Variants in GGH observed in about 807,000 individuals in gnomAD.
GGH encodes the protein gamma-Glu-X carboxypeptidase.
Under a neutral mutation model 39.2 loss-of-function variants are expected in GGH, and 18 were observed. The ratio of observed to expected loss-of-function variants is 0.46; its 90% CI spans 0.32 to 0.68. The LOEUF (loss-of-function observed/expected upper bound fraction) is 0.68. Among genes scored for constraint, GGH ranks in the 30% least tolerant of loss-of-function variants. The probability of loss-of-function intolerance (pLI) is 0.04; values close to 1 mark genes in which losing one functional copy is unlikely to be tolerated. For synonymous variants in GGH, 147 were observed against 138.8 expected (o/e 1.06, Z -0.42); for missense variants, 367 against 384.1 (o/e 0.96, Z 0.37).
intron 2 of GGH, among the ~76,000 whole-genome samples, chr8:63,030,621 G>A (rs1485991711): frequency 6.6e-6 from 1 of 152,054 alleles, no homozygotes; most frequent in Non-Finnish European, 1.5e-5. Context: ...TTAACTACAG[G>A]AAGCTCTGGC....
At position 63,038,796 on chromosome 8, in the gene GGH, A is replaced by G; in HGVS notation, c.-28T>C. The G allele has an allele frequency of 3.6e-6, 5 of 1,402,466 alleles. No individual in the cohort carries two copies. Among genetic ancestry groups the G allele is most frequent in the Non-Finnish European group, 4.8e-6 (5 of 1,044,220 alleles). The allele number at this position is 1,402,466 out of a possible 1,614,324, so 86.9% of individuals were successfully genotyped here. A position where few individuals can be genotyped will look rare whatever the true frequency, so the allele number is the denominator to read the frequency against. ...CGCTCGCCGCCTCCCGCCGCCTTTC[A>G]AAAGCTCTGCGGGCGGGCGGGGGCT... On this transcript the variant is annotated 5_prime_UTR_variant, in exon 1 of 9. Coordinates refer to ENST00000260118, the MANE Select transcript of GGH (RefSeq NM_003878.3).
At chr8:63,033,760 T>A (rs907215715) in intron 2 of GGH, among the ~76,000 whole-genome samples, 1 of 151,946 alleles carries the variant, frequency 6.6e-6, no homozygotes, top group African/African-American at 2.4e-5. Flanking sequence ...ATAGGTAGTT[T>A]TTCAGCCCTT....
At chr8:63,017,667 G>T in intron 7 of GGH, 37 bp from the exon 8 acceptor site, 2 of 1,273,056 alleles carry the variant, frequency 1.6e-6, no homozygotes, top group Non-Finnish European at 1.1e-6. Context: ...TACTAAGAAT[G>T]GTTTAAAATG....
At chr8:63,036,419 T>C (rs1245028484) in intron 1 of GGH, among the ~76,000 whole-genome samples, 1 of 151,894 alleles carries the variant, frequency 6.6e-6, no homozygotes, top group African/African-American at 2.4e-5. Context: ...TGACTATGAG[T>C]GAACCAAACA....
At chr8:63,022,591 G>A in intron 7 of GGH, among the ~76,000 whole-genome samples, 1 of 150,810 alleles carries the variant, frequency 6.6e-6, no homozygotes, top group Admixed American at 6.6e-5. Context: ...GTCTTACTCT[G>A]TCGTCCAGGC....
intron 3 of GGH, among the ~76,000 whole-genome samples, chr8:63,027,869 T>C (rs1196990749): frequency 1.3e-5 from 2 of 152,076 alleles, no homozygotes; most frequent in Non-Finnish European, 2.9e-5. Flanking sequence ...GTCAAAAATA[T>C]TTGATATTAT....
intron 7 of GGH, among the ~76,000 whole-genome samples, chr8:63,018,485 A>C (rs1195756205): frequency 6.6e-6 from 1 of 152,222 alleles, no homozygotes; most frequent in Non-Finnish European, 1.5e-5. Flanking sequence ...TCTAGGGGTA[A>C]GAGCACTGTC....
At chr8:63,035,032 C>T (rs895332133) in intron 2 of GGH, among the ~76,000 whole-genome samples, 4 of 152,102 alleles carry the variant, frequency 2.6e-5, no homozygotes, top group African/African-American at 9.7e-5. Context: ...TCACCCCGCC[C>T]CCCCAACCAC....
At chr8:63,031,601 C>T (rs551806331) in intron 2 of GGH, among the ~76,000 whole-genome samples, 4 of 152,306 alleles carry the variant, frequency 2.6e-5, no homozygotes, top group African/African-American at 7.2e-5. Flanking sequence ...TTCCTGCCAG[C>T]TAGCGGTGCA....
chr8:63,029,363 T>G (rs532831954), intron 3 of GGH, among the ~76,000 whole-genome samples: 2 of 152,178 alleles, frequency 1.3e-5, no homozygotes, highest in Non-Finnish European at 2.9e-5. Context: ...CATCTACAGA[T>G]AGCCGCATTT....
At chr8:63,028,314 T>A (rs939018468) in intron 3 of GGH, 5 of 152,050 alleles carry the variant, frequency 3.3e-5, no homozygotes, top group South Asian at 2.1e-4. Context: ...ATTAACTCAG[T>A]ATTTTTTTTT....
chr8:63,028,227 T>C (rs563497629), intron 3 of GGH: 1 of 152,124 alleles, frequency 6.6e-6, no homozygotes, highest in South Asian at 2.1e-4. Context: ...TGTGGGAGAA[T>C]ATCTACCACA....
chr8:63,036,257 A>G (rs562278214), intron 1 of GGH, among the ~76,000 whole-genome samples: 1 of 152,306 alleles, frequency 6.6e-6, no homozygotes, highest in East Asian at 1.9e-4. Context: ...AGGTCTTGTT[A>G]TATCTTTTCT....
Position 63,030,207 on chromosome 8 carries a change from T to C in GGH, c.235A>G (p.Thr79Ala). 1 of 1,419,868 alleles carries C rather than the reference T, an allele frequency of 7.0e-7. No homozygotes were observed. The highest frequency in any genetic ancestry group is 1.0e-6 in the Non-Finnish European group (1 of 1,004,460). 88.0% of individuals were successfully genotyped at this position (1,419,868 alleles called of 1,614,324 possible). A position where few individuals can be genotyped will look rare whatever the true frequency, so the allele number is the denominator to read the frequency against. Residue 79 changes from threonine (T) to alanine (A), a missense_variant, in exon 3 of 9, where the codon ACA becomes GCA. Thr to Ala is a moderately conservative substitution (Grantham distance 58). Coordinates refer to ENST00000260118, the MANE Select transcript of GGH (RefSeq NM_003878.3). Reference sequence around the variant, plus strand: ...AAAAGTATTTCATAGTCTTTCTCTGTAAGATCCAGCCTGAAAACAATAAAA... The same window carrying C: ...AAAAGTATTTCATAGTCTTTCTCTGCAAGATCCAGCCTGAAAACAATAAAA... The part of the protein sequence containing the change: ...ARVVPVRLDL[T>A]EKDYEILFKS...
At chr8:63,031,015 GC>G (rs986935104) in intron 2 of GGH, among the ~76,000 whole-genome samples, 1 of 152,186 alleles carries the variant, frequency 6.6e-6, no homozygotes, top group African/African-American at 2.4e-5. Context: ...TGAAATCCTT[GC>G]AAGAACTCTC....
In GGH at chr8:63,021,862, C is replaced by T. The variant is rs1303555789; in HGVS notation, c.697+2045G>A. 5.3e-5 allele frequency among the ~76,000 whole-genome samples: 8 copies of T among 151,504 alleles called. No individual in the cohort carries two copies. In the East Asian group the frequency reaches 9.7e-4, roughly 18 times the overall value. On this transcript the variant is annotated intron_variant, in intron 7 of 8. Transcript: ENST00000260118. Reference sequence around the variant, plus strand: ...CTAATTTTTATATTTTTAGTAGAGACGGGGTTTCGCCATGTTGGCCAGGCT... The same window carrying T: ...CTAATTTTTATATTTTTAGTAGAGATGGGGTTTCGCCATGTTGGCCAGGCT...
intron 2 of GGH, 69 bp downstream of exon 2, chr8:63,035,587 G>C: frequency 6.5e-7 from 1 of 1,543,696 alleles, no homozygotes; most frequent in Non-Finnish European, 8.7e-7. Flanking sequence ...TTACAGGCAT[G>C]AGGCACCGCA....
chr8:63,035,502 C>T (rs1174998020), intron 2 of GGH, among the ~76,000 whole-genome samples, 154 bp downstream of exon 2: 1 of 152,078 alleles, frequency 6.6e-6, no homozygotes, highest in African/African-American at 2.4e-5. Flanking sequence ...GACAGGGCTT[C>T]ACCAGGTTGG....
At chr8:63,028,808 G>A (rs1016307088) in intron 3 of GGH, among the ~76,000 whole-genome samples, 12 of 152,152 alleles carry the variant, frequency 7.9e-5, no homozygotes, top group African/African-American at 2.9e-4. Context: ...ATGTATTCCT[G>A]TCTACACTGC....
Sources: gnomAD v4.1 joint callset for allele counts (sites outside exome capture counted in the v4.1 genomes callset) on GRCh38, gnomAD v4.1.1 for gene constraint, MANE v1.5 for transcripts, NCBI Gene and HGNC (gene_info 2026-07-23, HGNC 2026-07-21) for gene names.